CCDC192: variants seen among roughly 807,000 people sequenced by gnomAD.
CCDC192 encodes the protein coiled-coil domain containing 192, also known as coiled-coil domain-containing protein 192.
chr5:127,810,349 G>A lies in CCDC192; in HGVS notation c.411+12187G>A, dbSNP rs909998955. ...TTTGGGGTCATCTCTATCCCAATTG[G>A]CCAAAAAAGAAGAGATTGTTGAGGT... On this transcript the variant is annotated intron_variant, in intron 5 of 6. Transcript: ENST00000514853. Among the ~76,000 whole-genome samples the A allele has an allele frequency of 2.0e-5, 3 of 152,098 alleles. No individual in the cohort carries two copies. In the East Asian group the frequency reaches 5.8e-4, roughly 29 times the overall value.
At chr5:127,750,504 T>C (rs569569639) in intron 2 of CCDC192, among the ~76,000 whole-genome samples, 1 of 151,850 alleles carries the variant, frequency 6.6e-6, no homozygotes, top group Non-Finnish European at 1.5e-5. Context: ...TCTGTTCTTT[T>C]ACATTTGCTG....
intron 2 of CCDC192, among the ~76,000 whole-genome samples, chr5:127,718,789 C>G (rs1480794818): frequency 1.3e-5 from 2 of 152,000 alleles, no homozygotes; most frequent in Non-Finnish European, 2.9e-5. Flanking sequence ...GTGTGTATAT[C>G]TATGGGGTAC....
chr5:127,877,100 G>C (rs956665582), intron 6 of CCDC192, among the ~76,000 whole-genome samples: 1 of 152,148 alleles, frequency 6.6e-6, no homozygotes, highest in East Asian at 1.9e-4. Flanking sequence ...GCTCGCTTAC[G>C]AGAAGCTTTC....
chr5:127,855,281 C>G (rs1751014688), intron 5 of CCDC192, among the ~76,000 whole-genome samples: 1 of 152,224 alleles, frequency 6.6e-6, no homozygotes, highest in Non-Finnish European at 1.5e-5. Context: ...ATTCTAAATT[C>G]TACTTTGTCA....
rs575052147 is a variant in CCDC192 at position 127,895,505 on chromosome 5, A to G, written c.535+19844A>G. Among the ~76,000 whole-genome samples, 78 of 152,184 alleles carry G rather than the reference A, an allele frequency of 5.1e-4. 1 individual carries two copies. Among genetic ancestry groups the G allele is most frequent in the Non-Finnish European group, 9.1e-4 (62 of 68,026 alleles). ...CTAAGAAATGAATAAGCACAAAAATAAAATCTAGAGCACAATTTGCAAGAT... is the reference window on the plus strand; with the variant it reads ...CTAAGAAATGAATAAGCACAAAAATGAAATCTAGAGCACAATTTGCAAGAT... On this transcript the variant is annotated intron_variant, in intron 6 of 6. Coordinates refer to ENST00000514853, the MANE Select transcript of CCDC192 (RefSeq NM_001317938.2).
intron 2 of CCDC192, among the ~76,000 whole-genome samples, chr5:127,744,237 G>T (rs1241993533): frequency 6.6e-6 from 1 of 151,970 alleles, no homozygotes; most frequent in Non-Finnish European, 1.5e-5. Flanking sequence ...TGTGCCCAGG[G>T]TGAGGGGCTG....
At chr5:127,713,033 G>A (rs1002292295) in intron 2 of CCDC192, among the ~76,000 whole-genome samples, 2 of 152,004 alleles carry the variant, frequency 1.3e-5, no homozygotes, top group Non-Finnish European at 2.9e-5. Flanking sequence ...TCGGGAGTTC[G>A]AGACCAGCCT....
At chr5:127,900,035 G>A (rs376719297) in intron 6 of CCDC192, among the ~76,000 whole-genome samples, 3 of 152,004 alleles carry the variant, frequency 2.0e-5, no homozygotes, top group African/African-American at 4.8e-5. Context: ...ACCACTTATC[G>A]GACACATGTT....
At chr5:127,844,384 G>GT (rs1171411331) in intron 5 of CCDC192, among the ~76,000 whole-genome samples, 1 of 152,216 alleles carries the variant, frequency 6.6e-6, no homozygotes, top group Non-Finnish European at 1.5e-5. Context: ...ATTGTGATGG[G>GT]TAAGACAGGT....
chr5:127,854,483 G>C (rs1333644007), intron 5 of CCDC192, among the ~76,000 whole-genome samples: 1 of 152,082 alleles, frequency 6.6e-6, no homozygotes, highest in Non-Finnish European at 1.5e-5. Context: ...CTCTCACTGT[G>C]CCTAATTTAT....
chr5:127,709,202 G>GGAGAGAGAGAGAGAGAGA (rs201676720), intron 2 of CCDC192, among the ~76,000 whole-genome samples: 2 of 85,698 alleles, frequency 2.3e-5, no homozygotes, highest in Admixed American at 1.6e-4. Context: ...GGAGAGAGGG[G>GGAGAGAGAGAGAGAGAGA]GAGAGAGAGA....
chr5:127,774,264 A>C (rs1702148171), intron 3 of CCDC192, among the ~76,000 whole-genome samples: 1 of 152,190 alleles, frequency 6.6e-6, no homozygotes, highest in African/African-American at 2.4e-5. Context: ...AATTTTGGCC[A>C]AGTCAAATTT....
rs1323370961 is a variant in CCDC192 at position 127,763,997 on chromosome 5, G to A, written c.222+9622G>A. ...TTTCATAATCTCTCTCCCACCTCCC[G>A]CCGATAATAATTGCTTGTCTGTGTC... On this transcript the variant is annotated intron_variant, in intron 3 of 6. Coordinates refer to ENST00000514853, the MANE Select transcript of CCDC192 (RefSeq NM_001317938.2). Among the ~76,000 whole-genome samples, 4 of 151,974 alleles carry A rather than the reference G, an allele frequency of 2.6e-5. 1 individual carries two copies. The highest frequency in any genetic ancestry group is 4.1e-4 in the South Asian group (2 of 4,822).
At chr5:127,841,211 C>T (rs17164622) in intron 5 of CCDC192, among the ~76,000 whole-genome samples, 1,957 of 152,188 alleles carry the variant, frequency 0.013, 48 homozygotes, top group African/African-American at 0.044. Context: ...TAGTGGAGTC[C>T]GAAATACACT....
intron 3 of CCDC192, among the ~76,000 whole-genome samples, chr5:127,756,136 GA>G (rs58301453): frequency 1.2e-3 from 162 of 134,202 alleles, no homozygotes; most frequent in East Asian, 5.4e-3. Context: ...CTGTCTCAAA[GA>G]AAAAAAAAAA....
chr5:127,773,522 T>A (rs1347443446), intron 3 of CCDC192, among the ~76,000 whole-genome samples: 21 of 152,216 alleles, frequency 1.4e-4, no homozygotes, highest in Admixed American at 1.4e-3. Flanking sequence ...GATGAAAGGA[T>A]TTATCTAATA....
chr5:127,788,343 T>C (rs1245652343), intron 3 of CCDC192, among the ~76,000 whole-genome samples: 1 of 152,188 alleles, frequency 6.6e-6, no homozygotes, highest in Non-Finnish European at 1.5e-5. Flanking sequence ...TCACATTGGC[T>C]GTTTTTGGGC....
At chr5:127,914,520 T>C (rs1343424667) in intron 6 of CCDC192, among the ~76,000 whole-genome samples, 2 of 152,186 alleles carry the variant, frequency 1.3e-5, no homozygotes, top group East Asian at 3.8e-4. Flanking sequence ...TGCCACCAGA[T>C]GACCTATGAA....
chr5:127,825,188 T>C (rs1023066712), intron 5 of CCDC192, among the ~76,000 whole-genome samples: 2 of 152,180 alleles, frequency 1.3e-5, no homozygotes, highest in African/African-American at 4.8e-5. Flanking sequence ...TTCTAATCTA[T>C]TAAAACACAT....
Sources: gnomAD v4.1 joint callset for allele counts (sites outside exome capture counted in the v4.1 genomes callset) on GRCh38, gnomAD v4.1.1 for gene constraint, MANE v1.5 for transcripts, NCBI Gene and HGNC (gene_info 2026-07-23, HGNC 2026-07-21) for gene names.